The following RPS6KC1 variants were observed in gnomAD, a reference collection of about 807,000 sequenced individuals.
The protein encoded by RPS6KC1 is ribosomal protein S6 kinase C1.
A neutral mutation model predicts 103.8 loss-of-function variants in RPS6KC1; 54 were observed. That is an observed-to-expected ratio of 0.52 (90% CI 0.42 to 0.65). The LOEUF (loss-of-function observed/expected upper bound fraction) is 0.65, where lower values mean the gene tolerates loss of function less well. Ranked by LOEUF, RPS6KC1 falls within the 30% of genes least tolerant of loss-of-function variation. The pLI is 0.00. For synonymous variants in RPS6KC1, 439 were observed against 438.7 expected (o/e 1.00, Z -0.01); for missense variants, 1,151 against 1,253.8 (o/e 0.92, Z 1.24).
intron 1 of RPS6KC1, among the ~76,000 whole-genome samples, chr1:213,055,654 G>C (rs932543524): frequency 6.6e-6 from 1 of 152,082 alleles, no homozygotes; most frequent in Non-Finnish European, 1.5e-5. Context: ...TCTCAAAATT[G>C]TTCTGGCTAT....
chr1:213,214,441 C>T (rs1040750478), intron 8 of RPS6KC1, among the ~76,000 whole-genome samples: 10 of 152,228 alleles, frequency 6.6e-5, no homozygotes, highest in Non-Finnish European at 1.2e-4. Context: ...GTAGACTCCA[C>T]CTCTCGGGGC....
chr1:213,285,775 T>C, the RPS6KC1 span, among the ~76,000 whole-genome samples: 3 of 152,120 alleles, frequency 2.0e-5, no homozygotes, highest in African/African-American at 7.2e-5. Context: ...GCTGTGGGGC[T>C]TTGGGGGAAG....
At chr1:213,782,763 C>A in the RPS6KC1 span, among the ~76,000 whole-genome samples, 1 of 152,134 alleles carries the variant, frequency 6.6e-6, no homozygotes. Flanking sequence ...TTGCTATAAT[C>A]ATTTTTCCAC....
At chr1:213,100,558 A>T (rs1191826879) in intron 3 of RPS6KC1, among the ~76,000 whole-genome samples, 1 of 152,112 alleles carries the variant, frequency 6.6e-6, no homozygotes, top group Non-Finnish European at 1.5e-5. Context: ...TACCCAATAG[A>T]TAGTTTCTTA....
chr1:213,492,508 G>A, the RPS6KC1 span: 1 of 152,192 alleles, frequency 6.6e-6, no homozygotes, highest in East Asian at 1.9e-4. Flanking sequence ...TGCTTACCCT[G>A]TATTTTAAGT....
At chr1:213,126,282 T>G (rs553151651) in intron 5 of RPS6KC1, among the ~76,000 whole-genome samples, 1 of 152,270 alleles carries the variant, frequency 6.6e-6, no homozygotes, top group African/African-American at 2.4e-5. Flanking sequence ...ATTCTTATTA[T>G]GAAGTACTGT....
chr1:213,826,445 G>C, the RPS6KC1 span, among the ~76,000 whole-genome samples: 1 of 152,122 alleles, frequency 6.6e-6, no homozygotes, highest in Non-Finnish European at 1.5e-5. Context: ...ATAATGCTCA[G>C]GTTGGTCATT....
the RPS6KC1 span, among the ~76,000 whole-genome samples, chr1:213,669,662 G>A: frequency 0.037 from 5,667 of 152,194 alleles, 161 homozygotes; most frequent in Non-Finnish European, 0.054. Flanking sequence ...TCCGTAAAAC[G>A]CAATAAAGCA....
the RPS6KC1 span, among the ~76,000 whole-genome samples, chr1:213,355,451 C>G: frequency 1.3e-5 from 2 of 151,944 alleles, no homozygotes; most frequent in Non-Finnish European, 2.9e-5. Context: ...AGCACGGGCA[C>G]GGGGCAGTTG....
At chr1:213,537,857 G>A in the RPS6KC1 span, among the ~76,000 whole-genome samples, 1 of 152,148 alleles carries the variant, frequency 6.6e-6, no homozygotes, top group Non-Finnish European at 1.5e-5. Context: ...GAGGTTCCAG[G>A]TGCTTTGTAT....
the RPS6KC1 span, among the ~76,000 whole-genome samples, chr1:213,371,240 A>G: frequency 2.0e-5 from 3 of 152,072 alleles, no homozygotes; most frequent in Admixed American, 2.0e-4. Flanking sequence ...TTCACTTACT[A>G]TGATGTCCTC....
the RPS6KC1 span, among the ~76,000 whole-genome samples, chr1:213,411,399 C>T: frequency 3.9e-5 from 6 of 152,158 alleles, no homozygotes; most frequent in Admixed American, 6.5e-5. Flanking sequence ...AGTAGGCCAT[C>T]GGGCTTTTGC....
chr1:213,363,679 T>G, the RPS6KC1 span, among the ~76,000 whole-genome samples: 126 of 89,462 alleles, frequency 1.4e-3, 8 homozygotes, highest in African/African-American at 3.2e-3. Context: ...TCTTTCTTTC[T>G]TTCTTTCTTT....
the RPS6KC1 span, among the ~76,000 whole-genome samples, chr1:213,557,390 T>C: frequency 6.6e-6 from 1 of 152,062 alleles, no homozygotes; most frequent in Non-Finnish European, 1.5e-5. Flanking sequence ...AGAGGGCATA[T>C]TGGGAGCTTG....
the RPS6KC1 span, among the ~76,000 whole-genome samples, chr1:213,305,231 C>T: frequency 7.0e-3 from 1,069 of 152,074 alleles, 15 homozygotes; most frequent in African/African-American, 0.021. Context: ...ATTACAGGTG[C>T]GTGCCACCAC....
chr1:213,360,214 C>G, the RPS6KC1 span, among the ~76,000 whole-genome samples: 71 of 152,312 alleles, frequency 4.7e-4, no homozygotes, highest in Non-Finnish European at 5.0e-4. Context: ...CAGATTTGGT[C>G]TTTTCCCATA....
chr1:213,179,770 A>C (rs2092143056), intron 8 of RPS6KC1, among the ~76,000 whole-genome samples: 1 of 152,216 alleles, frequency 6.6e-6, no homozygotes, highest in Non-Finnish European at 1.5e-5. Context: ...ATTTTTTATT[A>C]ATATCTAGAC....
At chr1:213,523,177 G>C in the RPS6KC1 span, among the ~76,000 whole-genome samples, 1 of 152,216 alleles carries the variant, frequency 6.6e-6, no homozygotes. Context: ...GGAGAGAGAT[G>C]GGGGAGCAGC....
the RPS6KC1 span, among the ~76,000 whole-genome samples, chr1:213,340,432 A>C: frequency 6.6e-6 from 1 of 152,244 alleles, no homozygotes; most frequent in African/African-American, 2.4e-5. Context: ...GCACATTCAC[A>C]AAAGAAGTGG....
Sources: allele counts gnomAD v4.1 joint callset (sites outside exome capture counted in the v4.1 genomes callset), GRCh38; gene constraint gnomAD v4.1.1; transcripts MANE v1.5; gene names NCBI Gene and HGNC (gene_info 2026-07-23, HGNC 2026-07-21).